PRKAR2B: variants seen among roughly 807,000 people sequenced by gnomAD.
PRKAR2B encodes protein kinase cAMP-dependent type II regulatory subunit beta, also known as cAMP-dependent protein kinase type II-beta regulatory subunit.
A neutral mutation model predicts 49.9 loss-of-function variants in PRKAR2B; 14 were observed. The ratio of observed to expected loss-of-function variants is 0.28; its 90% CI spans 0.19 to 0.44. The LOEUF is 0.44. Ranked by LOEUF, PRKAR2B falls within the 20% of genes least tolerant of loss-of-function variation. The pLI, the probability that PRKAR2B is intolerant of heterozygous loss-of-function variation, is 1.00. For synonymous variants in PRKAR2B, 196 were observed against 197.7 expected, an observed-to-expected ratio of 0.99 and a Z score of 0.07; for missense variants, 393 against 537.9, an observed-to-expected ratio of 0.73 and a Z score of 2.67.
intron 5 of PRKAR2B, among the ~76,000 whole-genome samples, chr7:107,141,788 A>G (rs768263087): frequency 1.6e-4 from 24 of 152,166 alleles, no homozygotes; most frequent in Non-Finnish European, 3.1e-4. Flanking sequence ...CTTTAACATC[A>G]TCCAGTCCAC....
At chr7:107,146,194 G>C in intron 5 of PRKAR2B, 114 bp from the exon 6 acceptor site, 1 of 1,049,038 alleles carries the variant, frequency 9.5e-7, no homozygotes, top group Non-Finnish European at 1.4e-6. Context: ...TGTCATCGGA[G>C]GGGATAACAG....
rs746545398 is a variant in PRKAR2B at position 107,153,187 on chromosome 7, G to T, written c.854G>T (p.Arg285Leu). The T allele has an allele frequency of 1.2e-6, 2 of 1,605,766 alleles. No individual in the cohort carries two copies. Among genetic ancestry groups the T allele is most frequent in the South Asian group, 1.1e-5 (1 of 89,302 alleles). ...PFLKSLEFSE[R>L]LKVVDVIGTK... ...TTTCTTTCTTTGTAGTTTTCTGAACGCCTGAAAGTAGTAGATGTGATAGGC... is the reference window on the plus strand; with the variant it reads ...TTTCTTTCTTTGTAGTTTTCTGAACTCCTGAAAGTAGTAGATGTGATAGGC... The change falls in exon 8 of 11, where the codon CGC becomes CTC. Residue 285 changes from arginine (R) to leucine (L), a missense_variant. This residue lies in a region of PRKAR2B where 233 missense variants were observed against 390.4 expected (regional missense o/e 0.60). Coordinates refer to ENST00000265717, the MANE Select transcript of PRKAR2B (RefSeq NM_002736.3).
rs896057629 is a variant in PRKAR2B at position 107,161,343 on chromosome 7, T to C, written c.*1761T>C. ...TATTCTTACTCACTTTTTCAAGTTATCTATTTTGTTGCATAAACTAATTGT... is the reference window on the plus strand; with the variant it reads ...TATTCTTACTCACTTTTTCAAGTTACCTATTTTGTTGCATAAACTAATTGT... On this transcript the variant is annotated 3_prime_UTR_variant, in exon 11 of 11. Transcript: ENST00000265717. The C allele has an allele frequency of 6.6e-6, 1 of 152,648 alleles. No homozygotes were observed. The highest frequency in any genetic ancestry group is 1.5e-5 in the Non-Finnish European group (1 of 68,046). The allele number at this position is 152,648 out of a possible 1,614,324, so 9.5% of individuals were successfully genotyped here. A position where few individuals can be genotyped will look rare whatever the true frequency, so the allele number is the denominator to read the frequency against.
intron 2 of PRKAR2B, among the ~76,000 whole-genome samples, chr7:107,106,053 C>T (rs1225867905): frequency 2.0e-5 from 3 of 152,136 alleles, no homozygotes; most frequent in Admixed American, 6.5e-5. Context: ...TGATAAAATG[C>T]ATACCAGGGA....
At position 107,044,915 on chromosome 7, in the gene PRKAR2B, T is replaced by G; in HGVS notation, c.8T>G (p.Ile3Ser). The change falls in exon 1 of 11, where the codon ATC becomes AGC. Residue 3 changes from isoleucine to serine, a missense_variant. Transcript: ENST00000265717. MS[I>S]EIPAGLTELL... ...TGCCGCCCCGGAGGCAGGATGAGCA[T>G]CGAGATCCCGGCGGGACTGACGGAG... The G allele has an allele frequency of 6.3e-7, 1 of 1,596,462 alleles. No individual in the cohort carries two copies. Among genetic ancestry groups the G allele is most frequent in the South Asian group, 1.1e-5 (1 of 88,836 alleles).
chr7:107,133,281 G>A (rs1795634834), intron 4 of PRKAR2B, among the ~76,000 whole-genome samples: 1 of 152,160 alleles, frequency 6.6e-6, no homozygotes, highest in Non-Finnish European at 1.5e-5. Context: ...ATCCGTGTAT[G>A]AATTCTTCAG....
intron 2 of PRKAR2B, among the ~76,000 whole-genome samples, chr7:107,070,523 T>G (rs564223103): frequency 1.3e-5 from 2 of 152,296 alleles, no homozygotes; most frequent in South Asian, 4.1e-4. Flanking sequence ...CAAATGCAAT[T>G]GAAAATGTGA....
At chr7:107,158,274 G>A (rs1796133791) in intron 10 of PRKAR2B, among the ~76,000 whole-genome samples, 1 of 152,064 alleles carries the variant, frequency 6.6e-6, no homozygotes, top group Non-Finnish European at 1.5e-5. Flanking sequence ...GAGTAAAGGT[G>A]AGTGAGTGAA....
chr7:107,114,336 G>A (rs1226954892), intron 2 of PRKAR2B, among the ~76,000 whole-genome samples: 8 of 101,388 alleles, frequency 7.9e-5, no homozygotes, highest in African/African-American at 4.8e-4. Flanking sequence ...GTGTGTGTGT[G>A]TGTGTGTGTG....
intron 2 of PRKAR2B, among the ~76,000 whole-genome samples, chr7:107,072,793 A>G (rs1218016190): frequency 1.3e-5 from 2 of 152,208 alleles, no homozygotes; most frequent in Non-Finnish European, 2.9e-5. Flanking sequence ...GATAATTAAA[A>G]AGATTTCTTA....
chr7:107,093,512 CTTTTTTTTT>C (rs58693908), intron 2 of PRKAR2B, among the ~76,000 whole-genome samples: 4 of 146,260 alleles, frequency 2.7e-5, no homozygotes, highest in African/African-American at 1.0e-4. Flanking sequence ...ACTTTTTTTT[CTTTTTTTTT>C]TTTATTATAC....
Position 107,156,805 on chromosome 7 carries a change from CA to C in PRKAR2B, c.919-165del, listed in dbSNP as rs761387174. On this transcript the variant is annotated intron_variant, in intron 8 of 10. Transcript: ENST00000265717. Reference sequence around the variant, plus strand: ...TGGGCAACAGAGTGAGACTCCGTCTCAAAAAAAAAAAAAACCTCTTGATTTA... The same window carrying C: ...TGGGCAACAGAGTGAGACTCCGTCTCAAAAAAAAAAAAACCTCTTGATTTA... 7.5e-3 allele frequency among the ~76,000 whole-genome samples: 873 copies of C among 115,718 alleles called. 9 individuals carry two copies. The highest frequency in any genetic ancestry group is 0.021 in the African/African-American group (664 of 31,298). The allele number at this position is 115,718 out of a possible 152,430, so 75.9% of individuals were successfully genotyped here. A position where few individuals can be genotyped will look rare whatever the true frequency, so the allele number is the denominator to read the frequency against.
chr7:107,070,209 A>G (rs1201036535), intron 1 of PRKAR2B, 72 bp from the exon 2 acceptor site: 4 of 1,165,082 alleles, frequency 3.4e-6, no homozygotes, highest in South Asian at 1.4e-5. Context: ...TGGTTTACCA[A>G]TTTGAGCCTT....
intron 8 of PRKAR2B, among the ~76,000 whole-genome samples, chr7:107,154,396 T>TA (rs1236992355): frequency 6.6e-6 from 1 of 152,196 alleles, no homozygotes; most frequent in Non-Finnish European, 1.5e-5. Flanking sequence ...TACATACACT[T>TA]AGAGCGTGCT....
intron 1 of PRKAR2B, chr7:107,066,687 G>A (rs1794154369): frequency 6.6e-6 from 1 of 152,058 alleles, no homozygotes; most frequent in Non-Finnish European, 1.5e-5. Flanking sequence ...TCTTGCCTCA[G>A]CCTTCCGAGT....
intron 6 of PRKAR2B, among the ~76,000 whole-genome samples, chr7:107,150,380 T>C (rs1339683505): frequency 1.3e-5 from 2 of 152,102 alleles, no homozygotes; most frequent in East Asian, 3.8e-4. Flanking sequence ...TTTTTATGAG[T>C]ACATATTATG....
At position 107,152,085 on chromosome 7, in the gene PRKAR2B, A is replaced by T. The variant is rs55638945; in HGVS notation, c.843+1062A>T. ...TTTCTCTTTCCCCGCAGATGGCAAC[A>T]TATCCTTCCAGTGTCTCAGGCCAAA... On this transcript the variant is annotated intron_variant, in intron 7 of 10. Coordinates refer to ENST00000265717, the MANE Select transcript of PRKAR2B (RefSeq NM_002736.3). 9.3e-4 allele frequency among the ~76,000 whole-genome samples: 142 copies of T among 152,312 alleles called. 1 individual carries two copies. In the Middle Eastern group the frequency reaches 0.017, roughly 18 times the overall value.
chr7:107,158,909 G>A lies in PRKAR2B; in HGVS notation c.1124-540G>A, dbSNP rs188527353. Among the ~76,000 whole-genome samples the A allele has an allele frequency of 1.1e-3, 162 of 152,124 alleles. 2 individuals are homozygous for A. Among genetic ancestry groups the A allele is most frequent in the African/African-American group, 3.8e-3 (158 of 41,510 alleles). ...TCCAGTTTTAAAATCCAGGAGACAG[G>A]CAAGCAAAGTGATTTCTAGCATGTA... On this transcript the variant is annotated intron_variant, in intron 10 of 10. Transcript: ENST00000265717.
intron 1 of PRKAR2B, among the ~76,000 whole-genome samples, chr7:107,060,157 A>T (rs1793999113): frequency 6.6e-6 from 1 of 152,194 alleles, no homozygotes; most frequent in Non-Finnish European, 1.5e-5. Context: ...AATAAATATC[A>T]ATGGATATAA....
Sources: gnomAD v4.1 joint callset for allele counts (sites outside exome capture counted in the v4.1 genomes callset) on GRCh38, gnomAD v4.1.1 for gene constraint, gnomAD v4.1.1 regional missense constraint, MANE v1.5 for transcripts, NCBI Gene and HGNC (gene_info 2026-07-23, HGNC 2026-07-21) for gene names.